Variants in ITFG2 observed in about 807,000 individuals in gnomAD.
ITFG2 encodes integrin alpha FG-GAP repeat containing 2.
Under a neutral mutation model 54.4 loss-of-function variants are expected in ITFG2, and 36 were observed. The ratio of observed to expected loss-of-function variants is 0.66; its 90% CI spans 0.51 to 0.87. The LOEUF is 0.87. Ranked by LOEUF, ITFG2 falls within the 40% of genes least tolerant of loss-of-function variation. The pLI is 0.00. For synonymous variants in ITFG2, 211 were observed against 225.4 expected (o/e 0.94, Z 0.57); for missense variants, 524 against 576.7 (o/e 0.91, Z 0.94).
intron 9 of ITFG2, among the ~76,000 whole-genome samples, chr12:2,822,218 G>A (rs533883960): frequency 6.6e-6 from 1 of 152,268 alleles, no homozygotes; most frequent in South Asian, 2.1e-4. Flanking sequence ...CACTGTGCCT[G>A]GCCGTAAGTC....
chr12:2,836,502 C>T (rs2098028126), upstream of ITFG2, among the ~76,000 whole-genome samples: 1 of 152,204 alleles, frequency 6.6e-6, no homozygotes, highest in South Asian at 2.1e-4. Context: ...AGGAACCAAG[C>T]CTCTTTGAGA....
Position 2,818,204 on chromosome 12 carries a change from C to T in ITFG2, c.333C>T (p.Ile111=), listed in dbSNP as rs371530862. 6.9e-5 allele frequency: 112 copies of T among 1,614,012 alleles called. 2 individuals carry two copies. The South Asian group carries it at 1.0e-3, about 15-fold the overall frequency. ...CTTCTGGGCACCACGAGACACTAATCGGAGAGGAGCAGCGTCCAGTCTTCA... is the reference window on the plus strand; with the variant it reads ...CTTCTGGGCACCACGAGACACTAATTGGAGAGGAGCAGCGTCCAGTCTTCA... The part of the protein sequence containing the change: ...LDASGHHETL[I]GEEQRPVFKQ... Residue 111 remains isoleucine (I), a synonymous_variant, in exon 4 of 12, where the codon ATC becomes ATT. Coordinates refer to ENST00000228799, the MANE Select transcript of ITFG2 (RefSeq NM_018463.4).
chr12:2,818,390 T>TA, intron 4 of ITFG2, 113 bp downstream of exon 4: 1 of 1,537,062 alleles, frequency 6.5e-7, no homozygotes, highest in Non-Finnish European at 8.7e-7. Flanking sequence ...ATGCATTTGT[T>TA]ATGTGCTGAG....
At chr12:2,834,729 G>C (rs781203390), upstream of ITFG2, 2 of 1,614,058 alleles carry the variant, frequency 1.2e-6, no homozygotes, top group South Asian at 1.1e-5. Flanking sequence ...TGGCCTGTTT[G>C]AGCCGGCGCT....
chr12:2,838,896 A>G (rs1399218244), intron 1 of ITFG2, among the ~76,000 whole-genome samples: 3 of 152,132 alleles, frequency 2.0e-5, no homozygotes, highest in Non-Finnish European at 4.4e-5. Flanking sequence ...GATAGTGAAG[A>G]ATGTGGGGAG....
chr12:2,817,443 A>C (rs1603482693), intron 2 of ITFG2, 125 bp downstream of exon 2: 15 of 647,554 alleles, frequency 2.3e-5, no homozygotes, highest in Non-Finnish European at 4.0e-5. Context: ...GGGCCCAGCC[A>C]CTGACTTGCA....
exon 3 of ITFG2, chr12:2,830,834 G>A (rs201753948): frequency 1.1e-5 from 17 of 1,613,654 alleles, no homozygotes; most frequent in Non-Finnish European, 1.4e-5. Flanking sequence ...CCTCCACCAG[G>A]CGTCTTTGGA....
chr12:2,829,015 C>T (rs1437608400), downstream of ITFG2, among the ~76,000 whole-genome samples: 1 of 151,188 alleles, frequency 6.6e-6, no homozygotes, highest in Non-Finnish European at 1.5e-5. Context: ...GCCTAGGCAA[C>T]ATAGCAAGAC....
At chr12:2,827,577 A>G, downstream of ITFG2, 2 of 1,613,682 alleles carry the variant, frequency 1.2e-6, no homozygotes, top group Non-Finnish European at 1.7e-6. This position sits in a 1 kb window ranked among gnomAD's most constrained non-coding sequence, Gnocchi z 4.0. Context: ...TGTGCCTTCT[A>G]CTACTTTTTC....
At chr12:2,859,723 T>A in exon 4 of ITFG2, 1 of 1,257,580 alleles carries the variant, frequency 8.0e-7, no homozygotes. Flanking sequence ...CACAAAAATA[T>A]CACATACGGG....
At chr12:2,828,625 A>T (rs1184980601), downstream of ITFG2, among the ~76,000 whole-genome samples, 1 of 152,180 alleles carries the variant, frequency 6.6e-6, no homozygotes, top group Non-Finnish European at 1.5e-5. Context: ...GGATCACCTG[A>T]GGTCGGGAGT....
chr12:2,847,773 T>C (rs1055621872), intron 2 of ITFG2, among the ~76,000 whole-genome samples: 8 of 152,154 alleles, frequency 5.3e-5, no homozygotes, highest in African/African-American at 1.9e-4. Flanking sequence ...TTGCCTATTC[T>C]AGGTACCTCA....
intron 3 of ITFG2, 35 bp downstream of exon 3, chr12:2,817,985 C>T (rs1356314286): frequency 6.2e-7 from 1 of 1,611,792 alleles, no homozygotes; most frequent in Non-Finnish European, 8.5e-7. Context: ...TGGTTCTTAG[C>T]TCACAGTGGA....
upstream of ITFG2, among the ~76,000 whole-genome samples, chr12:2,835,815 T>C (rs2098026080): frequency 6.6e-6 from 1 of 152,252 alleles, no homozygotes; most frequent in Non-Finnish European, 1.5e-5. Flanking sequence ...GACTTCTTTA[T>C]ATTCTTTATG....
At chr12:2,834,935 T>C, upstream of ITFG2, 1 of 1,610,542 alleles carries the variant, frequency 6.2e-7, no homozygotes, top group African/African-American at 1.3e-5. Flanking sequence ...CAGCTCTCTT[T>C]CCAACAGGAG....
intron 2 of ITFG2, among the ~76,000 whole-genome samples, chr12:2,846,841 A>G (rs2098054644): frequency 6.6e-6 from 1 of 152,076 alleles, no homozygotes; most frequent in South Asian, 2.1e-4. Flanking sequence ...TGGCGTTAGA[A>G]GGAAACTGAG....
chr12:2,833,394 C>T (rs2098013058), upstream of ITFG2, among the ~76,000 whole-genome samples: 1 of 152,098 alleles, frequency 6.6e-6, no homozygotes, highest in South Asian at 2.1e-4. Context: ...AGTGCAATCC[C>T]TTTTCTCGTT....
At chr12:2,823,235 G>A (rs536353813) in intron 10 of ITFG2, among the ~76,000 whole-genome samples, 1 of 152,356 alleles carries the variant, frequency 6.6e-6, no homozygotes, top group East Asian at 1.9e-4. Flanking sequence ...ATGAGTTTCT[G>A]TCATCTGTCT....
At chr12:2,826,333 A>G (rs2334868), downstream of ITFG2, 10,192 of 152,212 alleles carry the variant, frequency 0.067, 539 homozygotes, top group East Asian at 0.29. Flanking sequence ...AGAAGGCCTA[A>G]TGAGGTGGAT....
Sources: gnomAD v4.1 joint callset for allele counts (sites outside exome capture counted in the v4.1 genomes callset) on GRCh38, gnomAD v4.1.1 for gene constraint, Gnocchi (gnomAD v3.1) non-coding constraint, MANE v1.5 for transcripts, NCBI Gene and HGNC (gene_info 2026-07-23, HGNC 2026-07-21) for gene names.